PDCL3: variants seen among roughly 807,000 people sequenced by gnomAD.
PDCL3 encodes the protein phosducin-like protein 3.
Under a neutral mutation model 26.5 loss-of-function variants are expected in PDCL3, and 22 were observed. The ratio of observed to expected loss-of-function variants is 0.83; its 90% CI spans 0.59 to 1.19. The LOEUF (loss-of-function observed/expected upper bound fraction) is 1.19, where lower values mean the gene tolerates loss of function less well. Ranked by LOEUF, PDCL3 falls within the 50% of genes most tolerant of loss-of-function variation. The probability of loss-of-function intolerance (pLI) is 0.00; values close to 1 mark genes in which losing one functional copy is unlikely to be tolerated. For synonymous variants in PDCL3, 81 were observed against 104.9 expected (o/e 0.77, Z 1.39); for missense variants, 246 against 294.1 (o/e 0.84, Z 1.20).
intron 5 of PDCL3, chr2:100,572,186 A>G (rs1675191292): frequency 4.5e-6 from 1 of 224,568 alleles, no homozygotes; most frequent in Non-Finnish European, 8.7e-6. Flanking sequence ...TCAGTTGAGT[A>G]TGTTAGTAGC....
At chr2:100,567,037 G>A (rs868024732) in intron 2 of PDCL3, among the ~76,000 whole-genome samples, 1 of 152,186 alleles carries the variant, frequency 6.6e-6, no homozygotes, top group African/African-American at 2.4e-5. Flanking sequence ...ATGTGTGGGA[G>A]TCTGAGGGGG....
chr2:100,571,313 T>C (rs540601738), intron 4 of PDCL3, among the ~76,000 whole-genome samples: 4 of 152,080 alleles, frequency 2.6e-5, no homozygotes, highest in Non-Finnish European at 4.4e-5. Flanking sequence ...CTTGAACTGC[T>C]GACCTCATGA....
chr2:100,566,060 C>T (rs1007165849), intron 1 of PDCL3, among the ~76,000 whole-genome samples: 2 of 152,094 alleles, frequency 1.3e-5, no homozygotes, highest in African/African-American at 4.8e-5. Flanking sequence ...CCCGCCACCA[C>T]GCTCGGCTAA....
At position 100,570,474 on chromosome 2, in the gene PDCL3, C is replaced by CTT. The variant is rs762190373; in HGVS notation, c.368+770_368+771dup. On this transcript the variant is annotated intron_variant, in intron 4 of 5. Coordinates refer to ENST00000264254, the MANE Select transcript of PDCL3 (RefSeq NM_024065.5). ...GAGTCCAGTGCTTATTTAGGAATTT[C>CTT]TTTTTTTTTTTTTTTTTTGTTTGAG... Among the ~76,000 whole-genome samples, 888 of 125,252 alleles carry CTT rather than the reference C, an allele frequency of 7.1e-3. 13 individuals are homozygous for CTT. Among genetic ancestry groups the CTT allele is most frequent in the African/African-American group, 0.015 (483 of 32,894 alleles). 82.2% of individuals were successfully genotyped at this position (125,252 alleles called of 152,430 possible). A position where few individuals can be genotyped will look rare whatever the true frequency, so the allele number is the denominator to read the frequency against.
At chr2:100,575,399 T>C (rs770383105) in intron 5 of PDCL3, among the ~76,000 whole-genome samples, 40 of 152,210 alleles carry the variant, frequency 2.6e-4, no homozygotes, top group Non-Finnish European at 4.6e-4. Context: ...CCTCCCAAAG[T>C]GCTGGGATTA....
intron 5 of PDCL3, among the ~76,000 whole-genome samples, chr2:100,574,755 C>G (rs1167763982): frequency 6.6e-6 from 1 of 152,220 alleles, no homozygotes; most frequent in African/African-American, 2.4e-5. Flanking sequence ...ATTTCCACTC[C>G]TCCCCTGATA....
intron 1 of PDCL3, among the ~76,000 whole-genome samples, chr2:100,565,574 T>C (rs371051875): frequency 1.8e-3 from 271 of 151,822 alleles, no homozygotes; most frequent in African/African-American, 6.3e-3. Flanking sequence ...GTGCCCAGCC[T>C]GGAAGATTAT....
At chr2:100,565,711 C>G (rs1029697742) in intron 1 of PDCL3, among the ~76,000 whole-genome samples, 3 of 152,150 alleles carry the variant, frequency 2.0e-5, no homozygotes, top group African/African-American at 7.2e-5. Context: ...AAAATGGCAG[C>G]CTGTTTGTCA....
At chr2:100,563,463 C>T (rs1004401983) in intron 1 of PDCL3, 2 of 174,930 alleles carry the variant, frequency 1.1e-5, no homozygotes, top group Non-Finnish European at 1.2e-5. Context: ...GTCTTCCGCA[C>T]GTAAAGCAGC....
At chr2:100,571,889 T>A in intron 5 of PDCL3, 91 bp downstream of exon 5, 1 of 1,192,814 alleles carries the variant, frequency 8.4e-7, no homozygotes, top group Non-Finnish European at 1.2e-6. Context: ...CCTGTTACGA[T>A]GGTGGGTCAA....
chr2:100,574,574 A>G (rs1675241846), intron 5 of PDCL3, among the ~76,000 whole-genome samples: 1 of 152,196 alleles, frequency 6.6e-6, no homozygotes. Context: ...TTAACCATCC[A>G]TCATTTCACA....
At chr2:100,565,901 CATT>C (rs1049183739) in intron 1 of PDCL3, among the ~76,000 whole-genome samples, 3 of 151,882 alleles carry the variant, frequency 2.0e-5, no homozygotes, top group African/African-American at 7.3e-5. Context: ...ATCACTCAGT[CATT>C]ATTATTATTA....
chr2:100,566,659 T>C (rs1320600089), intron 2 of PDCL3, 30 bp downstream of exon 2: 1 of 1,612,312 alleles, frequency 6.2e-7, no homozygotes, highest in Non-Finnish European at 8.5e-7. Flanking sequence ...TCTGCACCTG[T>C]CTGGGTTAGG....
chr2:100,563,180 G>C, intron 1 of PDCL3, 107 bp downstream of exon 1: 1 of 1,415,568 alleles, frequency 7.1e-7, no homozygotes, highest in Non-Finnish European at 9.5e-7. Context: ...CGGCGCCGCA[G>C]GCACGAGGGA....
rs1307608443 is a variant in PDCL3 at position 100,574,201 on chromosome 2, C to T, written c.578-2153C>T. Among the ~76,000 whole-genome samples the T allele has an allele frequency of 3.9e-5, 6 of 151,976 alleles. No homozygotes were observed. The South Asian group carries it at 6.2e-4, about 16-fold the overall frequency. On this transcript the variant is annotated intron_variant, in intron 5 of 5. Coordinates refer to ENST00000264254, the MANE Select transcript of PDCL3 (RefSeq NM_024065.5). ...GTATTTTTAGTAGAGACGGTTTCAC[C>T]GTGTTGCCTAGGCTGGTTGTGAACT...
chr2:100,564,787 A>C (rs1214393745), intron 1 of PDCL3, among the ~76,000 whole-genome samples: 1 of 152,178 alleles, frequency 6.6e-6, no homozygotes, highest in East Asian at 1.9e-4. Context: ...AGCCACTTTT[A>C]CATCAGTCTT....
At position 100,576,703 on chromosome 2, in the gene PDCL3, A is replaced by C. The variant is rs1470948970; in HGVS notation, c.*207A>C. The stretch of plus-strand genomic sequence containing the variant: ...TTTTTAAATTATAGTATTTCCTCTA[A>C]AAAAAATTAAAACCAGCCATTTGTA... On this transcript the variant is annotated 3_prime_UTR_variant, in exon 6 of 6. Transcript: ENST00000264254. 1 of 489,690 alleles carries C rather than the reference A, an allele frequency of 2.0e-6. No homozygotes were observed. Among genetic ancestry groups the C allele is most frequent in the Non-Finnish European group, 3.1e-6 (1 of 317,866 alleles). The allele number at this position is 489,690 out of a possible 1,614,324, so 30.3% of individuals were successfully genotyped here.
chr2:100,571,825 C>T (rs1573282432), intron 5 of PDCL3, 27 bp downstream of exon 5: 2 of 1,608,142 alleles, frequency 1.2e-6, no homozygotes, highest in African/African-American at 2.7e-5. Flanking sequence ...ACAGGCGGGG[C>T]AGTGAGAGAT....
intron 1 of PDCL3, among the ~76,000 whole-genome samples, chr2:100,565,337 C>T (rs533055885): frequency 2.0e-5 from 3 of 148,800 alleles, no homozygotes; most frequent in African/African-American, 5.0e-5. Context: ...TGCAGCGGCT[C>T]GATCTCGGCT....
Sources: gnomAD v4.1 joint callset for allele counts (sites outside exome capture counted in the v4.1 genomes callset) on GRCh38, gnomAD v4.1.1 for gene constraint, MANE v1.5 for transcripts, NCBI Gene and HGNC (gene_info 2026-07-23, HGNC 2026-07-21) for gene names.